The following PDGFC variants were observed in gnomAD, a reference collection of about 807,000 sequenced individuals.
The protein encoded by PDGFC is platelet-derived growth factor C.
In PDGFC, 12 loss-of-function variants were observed where a neutral mutation model predicts 35.5. The ratio of observed to expected loss-of-function variants is 0.34; its 90% CI spans 0.22 to 0.55. PDGFC has a LOEUF of 0.55. Ranked by LOEUF, PDGFC falls within the 20% of genes least tolerant of loss-of-function variation. The pLI, the probability that PDGFC is intolerant of heterozygous loss-of-function variation, is 0.91. For synonymous variants in PDGFC, 159 were observed against 148.8 expected, an observed-to-expected ratio of 1.07 and a Z score of -0.50; for missense variants, 322 against 412.4, an observed-to-expected ratio of 0.78 and a Z score of 1.90.
At chr4:156,819,156 A>G (rs1430463030) in intron 2 of PDGFC, among the ~76,000 whole-genome samples, 1 of 152,178 alleles carries the variant, frequency 6.6e-6, no homozygotes, top group Non-Finnish European at 1.5e-5. Context: ...TCATAACATA[A>G]AAGTGCAAGG....
rs575483636 is a variant in PDGFC at position 156,970,802 on chromosome 4, G to A, written c.102C>T (p.Ser34=). 6.2e-6 allele frequency: 10 copies of A among 1,606,334 alleles called. No homozygotes were observed. In the African/African-American group the frequency reaches 8.0e-5, roughly 13 times the overall value. The part of the protein sequence containing the change: ...SNLSSKFQFS[S]NKEQNGVQDP... ...AAGACTCACCGTTCTGTTCCTTGTT[G>A]CTGGAAAACTGGAATTTACTACTCA... Residue 34 remains serine, a synonymous_variant, in exon 1 of 6, where the codon AGC becomes AGT. Transcript: ENST00000502773.
intron 1 of PDGFC, among the ~76,000 whole-genome samples, chr4:156,935,836 A>G (rs942694144): frequency 2.6e-5 from 4 of 152,202 alleles, no homozygotes; most frequent in Non-Finnish European, 5.9e-5. Flanking sequence ...ACTACACTGT[A>G]TATGCTAGAT....
rs1369110948 is a variant in PDGFC, at chr4:156,771,233, C to T, written c.703+1453G>A. 3.9e-5 allele frequency among the ~76,000 whole-genome samples: 6 copies of T among 152,224 alleles called. No individual in the cohort carries two copies. In the East Asian group the frequency reaches 1.2e-3, roughly 29 times the overall value. The stretch of plus-strand genomic sequence containing the variant: ...CAGGCGTACATTTTCAGGCATAAAG[C>T]CTTGGCTAGAAGGGAGGTTTTTAGG... On this transcript the variant is annotated intron_variant, in intron 4 of 5. Coordinates refer to ENST00000502773, the MANE Select transcript of PDGFC (RefSeq NM_016205.3).
intron 2 of PDGFC, among the ~76,000 whole-genome samples, chr4:156,812,452 C>T (rs1308418515): frequency 6.6e-6 from 1 of 151,994 alleles, no homozygotes; most frequent in Admixed American, 6.6e-5. Context: ...CTATGAATTG[C>T]ATTTCAGAAT....
chr4:156,772,278 T>C (rs1357556848), intron 4 of PDGFC, among the ~76,000 whole-genome samples: 1 of 152,076 alleles, frequency 6.6e-6, no homozygotes, highest in Non-Finnish European at 1.5e-5. Flanking sequence ...TAGACAAACA[T>C]TTTTGTAGAG....
intron 2 of PDGFC, among the ~76,000 whole-genome samples, chr4:156,814,137 A>G (rs1303898495): frequency 2.7e-5 from 4 of 149,958 alleles, no homozygotes; most frequent in Non-Finnish European, 5.9e-5. Context: ...TAAAAAAAAA[A>G]TCCAGATTAT....
chr4:156,893,918 T>C (rs959306515), intron 1 of PDGFC, among the ~76,000 whole-genome samples: 1 of 152,240 alleles, frequency 6.6e-6, no homozygotes, highest in African/African-American at 2.4e-5. Context: ...TTTCTCTTTA[T>C]TAGTTTTCTT....
At chr4:156,798,723 T>C (rs1043324617) in intron 3 of PDGFC, among the ~76,000 whole-genome samples, 1 of 152,186 alleles carries the variant, frequency 6.6e-6, no homozygotes, top group South Asian at 2.1e-4. Context: ...AGTCAAGTTT[T>C]GGCATGCAGT....
intron 3 of PDGFC, among the ~76,000 whole-genome samples, chr4:156,803,190 T>A (rs552004151): frequency 6.6e-6 from 1 of 152,100 alleles, no homozygotes; most frequent in Non-Finnish European, 1.5e-5. Flanking sequence ...AAACCAAATG[T>A]GTCTGAGTGT....
intron 1 of PDGFC, among the ~76,000 whole-genome samples, chr4:156,939,588 C>A (rs1484446357): frequency 6.6e-6 from 1 of 151,998 alleles, no homozygotes; most frequent in Non-Finnish European, 1.5e-5. Flanking sequence ...GTATTATTAG[C>A]CAAATGAAAT....
chr4:156,922,806 G>A (rs911204868), intron 1 of PDGFC, among the ~76,000 whole-genome samples: 34 of 151,942 alleles, frequency 2.2e-4, no homozygotes, highest in Admixed American at 2.0e-3. Context: ...CTGGGAAGTT[G>A]GGTCAAAAAA....
chr4:156,768,115 C>T (rs572564410), intron 4 of PDGFC, 125 bp from the exon 5 acceptor site: 23 of 667,586 alleles, frequency 3.4e-5, no homozygotes, highest in South Asian at 1.3e-4. Flanking sequence ...TAACAATATC[C>T]GCTCTTATTG....
In PDGFC at chr4:156,851,930, C is replaced by CAAAAAAAAAAAAAAAAAAAA. The variant is rs61505882; in HGVS notation, c.119-1534_119-1515dup. ...TGGGCGACAGAATGAGACTCCATCT[C>CAAAAAAAAAAAAAAAAAAAA]AAAAAAAAAAAAAAAAAAAAAAAAA... On this transcript the variant is annotated intron_variant, in intron 1 of 5. Transcript: ENST00000502773. 3.6e-4 allele frequency among the ~76,000 whole-genome samples: 17 copies of CAAAAAAAAAAAAAAAAAAAA among 47,854 alleles called. 1 individual carries two copies. The highest frequency in any genetic ancestry group is 1.0e-3 in the African/African-American group (15 of 15,070). 31.4% of individuals were successfully genotyped at this position (47,854 alleles called of 152,430 possible).
intron 3 of PDGFC, among the ~76,000 whole-genome samples, chr4:156,788,592 C>A (rs189811268): frequency 6.6e-5 from 10 of 152,226 alleles, no homozygotes; most frequent in South Asian, 2.1e-4. Flanking sequence ...CATCTTCTAA[C>A]CAATTAGCCT....
chr4:156,891,205 G>A (rs1311350252), intron 1 of PDGFC, among the ~76,000 whole-genome samples: 6 of 136,412 alleles, frequency 4.4e-5, no homozygotes, highest in Admixed American at 1.6e-4. Context: ...GCGTGAACCC[G>A]GGAGGCGGAG....
chr4:156,834,250 T>A (rs1355520962), intron 2 of PDGFC, among the ~76,000 whole-genome samples: 1 of 152,200 alleles, frequency 6.6e-6, no homozygotes, highest in African/African-American at 2.4e-5. Flanking sequence ...ATTTGCAGCA[T>A]GATATCAAAC....
chr4:156,886,255 T>A (rs1054999861), intron 1 of PDGFC, among the ~76,000 whole-genome samples: 3 of 152,122 alleles, frequency 2.0e-5, no homozygotes, highest in African/African-American at 7.2e-5. Context: ...GAAGGGCAAT[T>A]TTTTAGAGAC....
intron 1 of PDGFC, among the ~76,000 whole-genome samples, chr4:156,897,367 T>TGTGTGTGTGTGA: frequency 6.6e-6 from 1 of 151,662 alleles, no homozygotes; most frequent in Non-Finnish European, 1.5e-5. Context: ...TGTGTGTGTG[T>TGTGTGTGTGTGA]GTGTGTGTGT....
At chr4:156,858,435 A>G (rs1729633669) in intron 1 of PDGFC, among the ~76,000 whole-genome samples, 1 of 152,074 alleles carries the variant, frequency 6.6e-6, no homozygotes, top group Admixed American at 6.6e-5. Flanking sequence ...ATTACATACC[A>G]ATTAGTAATG....
Sources: allele counts gnomAD v4.1 joint callset (sites outside exome capture counted in the v4.1 genomes callset), GRCh38; gene constraint gnomAD v4.1.1; transcripts MANE v1.5; gene names NCBI Gene and HGNC (gene_info 2026-07-23, HGNC 2026-07-21).